The following CHST8 variants were observed in gnomAD, a reference collection of about 807,000 sequenced individuals.
The protein encoded by CHST8 is carbohydrate sulfotransferase 8.
In CHST8, 10 loss-of-function variants were observed where a neutral mutation model predicts 15.0. The observed-to-expected ratio is 0.67, with a 90% CI of 0.41 to 1.13. The LOEUF (loss-of-function observed/expected upper bound fraction) is 1.13. Ranked by LOEUF, CHST8 falls within the 50% of genes most tolerant of loss-of-function variation. CHST8 has a pLI of 0.00. For missense variants in CHST8, 634 were observed against 608.2 expected, an observed-to-expected ratio of 1.04 and a Z score of -0.45; for synonymous variants, 259 against 256.6, an observed-to-expected ratio of 1.01 and a Z score of -0.09.
intron 3 of CHST8, among the ~76,000 whole-genome samples, chr19:33,695,451 GT>G (rs1973191172): frequency 6.6e-6 from 1 of 152,244 alleles, no homozygotes; most frequent in Non-Finnish European, 1.5e-5. Context: ...GGTATAGGTG[GT>G]TTTTGGTTAC....
intron 4 of CHST8, 52 bp downstream of exon 4, chr19:33,771,502 G>T: frequency 6.4e-7 from 1 of 1,563,390 alleles, no homozygotes; most frequent in South Asian, 1.1e-5. Context: ...TTGGGAAACT[G>T]GGGAGGGCTG....
At chr19:33,751,779 C>A (rs1469527492) in intron 3 of CHST8, among the ~76,000 whole-genome samples, 2 of 152,218 alleles carry the variant, frequency 1.3e-5, no homozygotes, top group Non-Finnish European at 2.9e-5. Context: ...TGCCCTCATG[C>A]CAAACAGGGA....
intron 3 of CHST8, among the ~76,000 whole-genome samples, chr19:33,727,422 C>T (rs1448575075): frequency 1.3e-5 from 2 of 152,148 alleles, no homozygotes; most frequent in Admixed American, 6.5e-5. Flanking sequence ...CCCTGAAAGC[C>T]TGTGGCCACT....
At chr19:33,733,603 T>A (rs958668069) in intron 3 of CHST8, among the ~76,000 whole-genome samples, 2 of 152,208 alleles carry the variant, frequency 1.3e-5, no homozygotes, top group African/African-American at 4.8e-5. Context: ...ACTTTCAAAC[T>A]TACTTTGGGA....
intron 3 of CHST8, among the ~76,000 whole-genome samples, chr19:33,745,047 T>A: frequency 6.6e-6 from 1 of 152,146 alleles, no homozygotes; most frequent in East Asian, 1.9e-4. Context: ...ATGCCCAGCC[T>A]AATTTATTTT....
At chr19:33,701,331 C>T (rs369982060) in intron 3 of CHST8, among the ~76,000 whole-genome samples, 1 of 152,144 alleles carries the variant, frequency 6.6e-6, no homozygotes, top group Admixed American at 6.5e-5. Context: ...GGTCTCTAGC[C>T]AGAGCCTCAC....
chr19:33,742,794 A>G (rs1218309917), intron 3 of CHST8, among the ~76,000 whole-genome samples: 1 of 152,146 alleles, frequency 6.6e-6, no homozygotes. Flanking sequence ...AGCTCTCTGC[A>G]GATCAGCCCC....
intron 1 of CHST8, among the ~76,000 whole-genome samples, chr19:33,666,785 A>G (rs1972667529): frequency 6.6e-6 from 1 of 152,022 alleles, no homozygotes; most frequent in Non-Finnish European, 1.5e-5. Flanking sequence ...TCACTGCAAC[A>G]TCCGCCTCCC....
intron 4 of CHST8, 68 bp downstream of exon 4, chr19:33,771,518 A>C: frequency 6.8e-7 from 1 of 1,461,430 alleles, no homozygotes; most frequent in Non-Finnish European, 9.6e-7. Context: ...GGCTGGGAAG[A>C]AAATTAGGAG....
chr19:33,724,408 G>A (rs1973855188), intron 3 of CHST8, among the ~76,000 whole-genome samples: 1 of 152,226 alleles, frequency 6.6e-6, no homozygotes, highest in Admixed American at 6.5e-5. Flanking sequence ...ACTTTTAGAT[G>A]AGGATACCCC....
chr19:33,728,040 G>C (rs1420783154), intron 3 of CHST8, among the ~76,000 whole-genome samples: 1 of 152,270 alleles, frequency 6.6e-6, no homozygotes, highest in Non-Finnish European at 1.5e-5. Flanking sequence ...AAGTGCCTTC[G>C]CTCCCACGGC....
intron 3 of CHST8, among the ~76,000 whole-genome samples, chr19:33,770,739 C>CCTCT (rs1801111057): frequency 6.6e-6 from 1 of 152,152 alleles, no homozygotes; most frequent in South Asian, 2.1e-4. Context: ...GGACAATTAC[C>CCTCT]CTCTACCTGG....
intron 3 of CHST8, among the ~76,000 whole-genome samples, chr19:33,704,924 AAG>A (rs1973418100): frequency 6.6e-6 from 1 of 150,778 alleles, no homozygotes; most frequent in African/African-American, 2.5e-5. Context: ...AAAAAAAAAA[AAG>A]CTAAGAATCG....
intron 3 of CHST8, among the ~76,000 whole-genome samples, chr19:33,757,446 GAAAGAAAGAAA>G (rs1974583826): frequency 3.7e-5 from 1 of 27,102 alleles, no homozygotes; most frequent in Non-Finnish European, 7.7e-5. Flanking sequence ...AAGAAAGAAA[GAAAGAAAGAAA>G]GAAAGAAAGA....
chr19:33,772,479 A>G lies in CHST8; in HGVS notation c.691A>G (p.Ser231Gly), dbSNP rs1975014628. ...DIQHNTVHYG[S>G]ALKRLDTFDR... ...CCAGCACAACACCGTCCACTATGGCAGCGCTCTCAAGCGCCTGGACACCTT... is the reference window on the plus strand; with the variant it reads ...CCAGCACAACACCGTCCACTATGGCGGCGCTCTCAAGCGCCTGGACACCTT... The change falls in exon 5 of 5, where the codon AGC (serine) becomes GGC (glycine). Residue 231 changes from serine to glycine, a missense_variant. Transcript: ENST00000650847. The G allele has an allele frequency of 6.2e-7, 1 of 1,613,410 alleles. No homozygotes were observed. The highest frequency in any genetic ancestry group is 8.5e-7 in the Non-Finnish European group (1 of 1,180,020).
intron 1 of CHST8, among the ~76,000 whole-genome samples, chr19:33,644,930 G>T (rs1972330571): frequency 6.6e-6 from 1 of 152,134 alleles, no homozygotes; most frequent in African/African-American, 2.4e-5. Flanking sequence ...GTCTAGGCCA[G>T]TGGTTCTCAG....
intron 3 of CHST8, among the ~76,000 whole-genome samples, chr19:33,734,914 C>T (rs1277659716): frequency 6.6e-6 from 1 of 152,178 alleles, no homozygotes; most frequent in African/African-American, 2.4e-5. Flanking sequence ...CTGACCCCAG[C>T]ATCAAGCTGA....
intron 1 of CHST8, among the ~76,000 whole-genome samples, chr19:33,663,971 G>A (rs1428733282): frequency 6.6e-6 from 1 of 152,126 alleles, no homozygotes; most frequent in African/African-American, 2.4e-5. Flanking sequence ...AAAGCAAACC[G>A]TAGCACAATA....
At chr19:33,756,198 G>T (rs760910328) in intron 3 of CHST8, among the ~76,000 whole-genome samples, 1 of 152,188 alleles carries the variant, frequency 6.6e-6, no homozygotes, top group Non-Finnish European at 1.5e-5. Flanking sequence ...TTCCAGGTGC[G>T]CATGAAGATC....
Sources: gnomAD v4.1 joint callset for allele counts (sites outside exome capture counted in the v4.1 genomes callset) on GRCh38, gnomAD v4.1.1 for gene constraint, MANE v1.5 for transcripts, NCBI Gene and HGNC (gene_info 2026-07-23, HGNC 2026-07-21) for gene names.